The following ANKH variants were observed in gnomAD, a reference collection of about 807,000 sequenced individuals.
ANKH encodes the protein mineralization regulator ANKH.
Under a neutral mutation model 49.0 loss-of-function variants are expected in ANKH, and 15 were observed. The observed-to-expected ratio is 0.31, with a 90% CI of 0.20 to 0.47. The LOEUF is 0.47. ANKH is among the 20% of genes least tolerant of loss of function. ANKH has a pLI of 1.00. For missense variants in ANKH, 429 were observed against 652.0 expected (o/e 0.66, Z 3.72); for synonymous variants, 273 against 260.0 (o/e 1.05, Z -0.48).
intron 2 of ANKH, among the ~76,000 whole-genome samples, chr5:14,765,982 C>T (rs185362914): frequency 1.1e-4 from 17 of 152,234 alleles, no homozygotes; most frequent in Admixed American, 2.0e-4. Flanking sequence ...GGAAAAAAGT[C>T]TAAGATAGAG....
chr5:14,745,209 CATTT>C lies in ANKH; in HGVS notation c.915+657_915+660del, dbSNP rs1738493181. The stretch of plus-strand genomic sequence containing the variant: ...TATTTTTGGAGTATGTTTCACCAGC[CATTT>C]GTTTTAGAGTATTAAAAAAAGTCTA... On this transcript the variant is annotated intron_variant, in intron 7 of 11. Transcript: ENST00000284268. The surrounding 1 kb of genome is among the most constrained non-coding windows in gnomAD (Gnocchi z 4.7). 6.9e-6 allele frequency among the ~76,000 whole-genome samples: 1 copy of C among 145,892 alleles called. No homozygotes were observed. The highest frequency in any genetic ancestry group is 6.8e-5 in the Admixed American group (1 of 14,706).
chr5:14,837,142 C>G (rs1254680576), intron 1 of ANKH, among the ~76,000 whole-genome samples: 2 of 152,100 alleles, frequency 1.3e-5, no homozygotes, highest in South Asian at 4.1e-4. Flanking sequence ...AGACTTAAAT[C>G]TTAGACCTAA....
At chr5:14,785,882 A>G (rs1349277929) in intron 1 of ANKH, among the ~76,000 whole-genome samples, 1 of 151,742 alleles carries the variant, frequency 6.6e-6, no homozygotes, top group Non-Finnish European at 1.5e-5. Context: ...CATCTCTACT[A>G]AAAATAAAAA....
At chr5:14,840,661 T>C (rs1741790277) in intron 1 of ANKH, among the ~76,000 whole-genome samples, 1 of 152,226 alleles carries the variant, frequency 6.6e-6, no homozygotes. Flanking sequence ...AAATGACAAA[T>C]GATCTGATTT....
chr5:14,837,412 T>C (rs1490422749), intron 1 of ANKH, among the ~76,000 whole-genome samples: 1 of 152,012 alleles, frequency 6.6e-6, no homozygotes, highest in Admixed American at 6.6e-5. Context: ...ACAAAGAACT[T>C]AAACAAATTT....
chr5:14,716,813 G>T lies in ANKH; in HGVS notation c.1034C>A (p.Thr345Lys). 6.2e-7 allele frequency: 1 copy of T among 1,614,100 alleles called. No individual in the cohort carries two copies. The highest frequency in any genetic ancestry group is 8.5e-7 in the Non-Finnish European group (1 of 1,179,932). ...CAAGATTTTCTCAGACACGTTGGGTGTCCAAAACATCACGAAACAGAGCTG... is the reference window on the plus strand; with the variant it reads ...CAAGATTTTCTCAGACACGTTGGGTTTCCAAAACATCACGAAACAGAGCTG... Reference protein sequence around the residue: ...SLTLCFVMFWTPNVSEKILID... With the variant: ...SLTLCFVMFWKPNVSEKILID... Residue 345 changes from threonine to lysine, a missense_variant, in exon 9 of 12, where the codon ACA (threonine) becomes AAA (lysine). Thr to Lys is a moderately conservative substitution (Grantham distance 78, BLOSUM62 -1). Transcript: ENST00000284268.
chr5:14,864,682 C>A (rs921151187), intron 1 of ANKH, among the ~76,000 whole-genome samples: 23 of 152,192 alleles, frequency 1.5e-4, no homozygotes, highest in African/African-American at 5.3e-4. Flanking sequence ...CAAAGATGTT[C>A]ATTGAAACTT....
intron 1 of ANKH, among the ~76,000 whole-genome samples, chr5:14,814,714 G>T (rs548725594): frequency 6.6e-6 from 1 of 152,306 alleles, no homozygotes; most frequent in East Asian, 1.9e-4. Context: ...GCACTAAGGT[G>T]TGTCTTATGG....
chr5:14,810,757 T>C (rs754748741), intron 1 of ANKH, among the ~76,000 whole-genome samples: 22 of 152,162 alleles, frequency 1.4e-4, no homozygotes, highest in African/African-American at 3.4e-4. Context: ...CAGGATGAAC[T>C]TTCTGTTTCT....
At position 14,871,767 on chromosome 5, in the gene ANKH, T is replaced by C; in HGVS notation, c.-320A>G. 7.1e-6 allele frequency: 1 copy of C among 141,152 alleles called. No individual in the cohort carries two copies. The highest frequency in any genetic ancestry group is 1.5e-5 in the Non-Finnish European group (1 of 66,734). 8.7% of individuals were successfully genotyped at this position (141,152 alleles called of 1,614,324 possible). On this transcript the variant is annotated 5_prime_UTR_variant, in exon 1 of 12. In the 5' UTR this introduces an upstream ATG that the reference lacks. Transcript: ENST00000284268. ...AAGGTTCTGCTGACAGCGGCTCCATTATAAGCGCTCTGGGGCCCGGAAATA... is the reference window on the plus strand; with the variant it reads ...AAGGTTCTGCTGACAGCGGCTCCATCATAAGCGCTCTGGGGCCCGGAAATA...
chr5:14,762,445 A>G (rs892675393), intron 2 of ANKH, among the ~76,000 whole-genome samples: 1 of 151,970 alleles, frequency 6.6e-6, no homozygotes, highest in East Asian at 1.9e-4. Flanking sequence ...TGTGGGACCT[A>G]TGAGGCTTGA....
Position 14,713,746 on chromosome 5 carries a change from C to T in ANKH, c.1142-79G>A. The stretch of plus-strand genomic sequence containing the variant: ...CTGCTGCCTCTGGACCAGGGCAGCA[C>T]ATCCGAGAGCCAGGGGCTGCCTAGG... On this transcript the variant is annotated intron_variant, in intron 9 of 11. Transcript: ENST00000284268. The surrounding 1 kb of genome is among the most constrained non-coding windows in gnomAD (Gnocchi z 4.4). 1.3e-6 allele frequency: 2 copies of T among 1,598,698 alleles called. No individual in the cohort carries two copies. The highest frequency in any genetic ancestry group is 1.7e-5 in the Admixed American group (1 of 59,970).
intron 1 of ANKH, among the ~76,000 whole-genome samples, chr5:14,841,902 T>C (rs1741825970): frequency 6.6e-6 from 1 of 152,218 alleles, no homozygotes; most frequent in Admixed American, 6.5e-5. Context: ...TTGTGGCATG[T>C]GTCAATATGT....
intron 1 of ANKH, among the ~76,000 whole-genome samples, chr5:14,793,765 C>T (rs1055360297): frequency 3.3e-5 from 5 of 152,136 alleles, no homozygotes; most frequent in African/African-American, 9.7e-5. Context: ...TGTGGCCTTG[C>T]GGGGGCAGTA....
intron 1 of ANKH, among the ~76,000 whole-genome samples, chr5:14,808,273 T>G (rs1384585929): frequency 6.6e-6 from 1 of 152,136 alleles, no homozygotes; most frequent in African/African-American, 2.4e-5. Flanking sequence ...CACTATTGAA[T>G]GTAGAGTTTG....
chr5:14,842,704 G>T (rs992648261), intron 1 of ANKH, among the ~76,000 whole-genome samples: 1 of 152,196 alleles, frequency 6.6e-6, no homozygotes, highest in Non-Finnish European at 1.5e-5. Flanking sequence ...ACAGATGAAG[G>T]CTGCAGAGAC....
Position 14,710,262 on chromosome 5 carries a change from G to A in ANKH, c.*935C>T, listed in dbSNP as rs1737115200. On this transcript the variant is annotated 3_prime_UTR_variant, in exon 12 of 12. Transcript: ENST00000284268. ...ATTAGAATGCTGGATGAGACTTAAAGCTTCAGTTCACTGTAAAAACTAAAA... is the reference window on the plus strand; with the variant it reads ...ATTAGAATGCTGGATGAGACTTAAAACTTCAGTTCACTGTAAAAACTAAAA... 1.3e-5 allele frequency: 2 copies of A among 151,134 alleles called. No homozygotes were observed. Among genetic ancestry groups the A allele is most frequent in the South Asian group, 4.2e-4 (2 of 4,752 alleles). The allele number at this position is 151,134 out of a possible 1,614,324, so 9.4% of individuals were successfully genotyped here.
intron 8 of ANKH, among the ~76,000 whole-genome samples, chr5:14,729,354 CTTTT>C (rs200072296): frequency 6.7e-6 from 1 of 149,878 alleles, no homozygotes; most frequent in Non-Finnish European, 1.5e-5. Flanking sequence ...CGCCCCACTA[CTTTT>C]TTTTTATTTA....
At chr5:14,765,463 C>A (rs1156637623) in intron 2 of ANKH, among the ~76,000 whole-genome samples, 1 of 152,180 alleles carries the variant, frequency 6.6e-6, no homozygotes, top group Non-Finnish European at 1.5e-5. Flanking sequence ...CTGGGGCCAT[C>A]TTTCCCGCAC....
Sources: gnomAD v4.1 joint callset for allele counts (sites outside exome capture counted in the v4.1 genomes callset) on GRCh38, gnomAD v4.1.1 for gene constraint, Gnocchi (gnomAD v3.1) non-coding constraint, MANE v1.5 for transcripts, NCBI Gene and HGNC (gene_info 2026-07-23, HGNC 2026-07-21) for gene names.